Variants in CTNND1 observed in about 807,000 individuals in gnomAD.
CTNND1 encodes catenin delta 1, also known as catenin delta-1.
In CTNND1, 16 loss-of-function variants were observed where a neutral mutation model predicts 112.1. The ratio of observed to expected loss-of-function variants is 0.14; its 90% confidence interval spans 0.10 to 0.22. The LOEUF is 0.22. Ranked by LOEUF, CTNND1 falls within the 10% of genes least tolerant of loss-of-function variation. The probability of loss-of-function intolerance (pLI) is 1.00; values close to 1 mark genes in which losing one functional copy is unlikely to be tolerated. For missense variants in CTNND1, 1,008 were observed against 1,257.0 expected, an observed-to-expected ratio of 0.80 and a Z score of 3.00; for synonymous variants, 420 against 446.5, an observed-to-expected ratio of 0.94 and a Z score of 0.75.
chr11:57,787,180 G>A (rs1379954668), intron 1 of CTNND1, among the ~76,000 whole-genome samples: 2 of 152,082 alleles, frequency 1.3e-5, no homozygotes, highest in South Asian at 2.1e-4. Flanking sequence ...AATTGTTAAG[G>A]CCTCAAATAC....
intron 1 of CTNND1, among the ~76,000 whole-genome samples, chr11:57,778,364 T>C (rs1203529533): frequency 1.3e-5 from 2 of 152,304 alleles, no homozygotes; most frequent in Middle Eastern, 3.4e-3. Flanking sequence ...TGAATCCAGA[T>C]TGGTAATCAA....
chr11:57,788,900 C>G lies in CTNND1; in HGVS notation c.-213-137C>G. On this transcript the variant is annotated intron_variant, in intron 1 of 20. Transcript: ENST00000399050. The surrounding 1 kb of genome is among the most constrained non-coding windows in gnomAD (Gnocchi z 4.1). ...ACAACAAGGTCTAAAGGGCACTTGT[C>G]ACATTAAGCAATTCCAAGTCATATT... 1 of 696,008 alleles carries G rather than the reference C, an allele frequency of 1.4e-6. No homozygotes were observed. The highest frequency in any genetic ancestry group is 1.8e-5 in the African/African-American group (1 of 56,636). 43.1% of individuals were successfully genotyped at this position (696,008 alleles called of 1,614,324 possible).
At chr11:57,800,267 C>A (rs2061859187) in intron 6 of CTNND1, among the ~76,000 whole-genome samples, 1 of 150,222 alleles carries the variant, frequency 6.7e-6, no homozygotes, top group South Asian at 2.1e-4. Flanking sequence ...TTAATCTTGA[C>A]CTTTTTTTTT....
intron 1 of CTNND1, chr11:57,764,280 T>G (rs1950554475): frequency 6.6e-6 from 1 of 152,142 alleles, no homozygotes; most frequent in Non-Finnish European, 1.5e-5. Flanking sequence ...TTCTAGTACC[T>G]TTCTCAGGGT....
intron 1 of CTNND1, among the ~76,000 whole-genome samples, chr11:57,765,973 CCT>C (rs1332480710): frequency 6.6e-6 from 1 of 152,014 alleles, no homozygotes; most frequent in Non-Finnish European, 1.5e-5. Context: ...GGTGAAGACT[CCT>C]CTTTACAAAA....
At chr11:57,813,213 A>AG (rs1802960371) in intron 17 of CTNND1, among the ~76,000 whole-genome samples, 1 of 152,046 alleles carries the variant, frequency 6.6e-6, no homozygotes, top group African/African-American at 2.4e-5. Flanking sequence ...AGTCCCAATT[A>AG]CTTTGGGAGG....
chr11:57,805,546 T>C (rs2137263203), intron 9 of CTNND1, among the ~76,000 whole-genome samples: 1 of 19,588 alleles, frequency 5.1e-5, no homozygotes, highest in Middle Eastern at 0.071. Flanking sequence ...CCCGGCTTTT[T>C]TTTCTTTTTT....
chr11:57,804,304 C>G (rs756273206), intron 8 of CTNND1, among the ~76,000 whole-genome samples: 1 of 152,060 alleles, frequency 6.6e-6, no homozygotes, highest in Non-Finnish European at 1.5e-5. Context: ...TAAAGTTTTC[C>G]TGAATTCTTT....
intron 1 of CTNND1, among the ~76,000 whole-genome samples, chr11:57,766,401 A>G (rs1951090114): frequency 1.3e-5 from 2 of 152,326 alleles, no homozygotes; most frequent in Middle Eastern, 6.8e-3. Flanking sequence ...GATTTTGTTC[A>G]TGTATTGGGA....
Position 57,808,216 on chromosome 11 carries a change from T to C in CTNND1, c.2015T>C (p.Leu672Pro). The change falls in exon 13 of 21, where the codon CTT (leucine) becomes CCT (proline). Residue 672 changes from leucine (L) to proline (P), a missense_variant. Leu to Pro is a moderately conservative substitution (Grantham distance 98, BLOSUM62 -3). Transcript: ENST00000399050. ...GTGGTTCGGATATACATCTCACTTC[T>C]TAAGGAGAGCAAGACTCCTGCCATC... ...PEVVRIYISL[L>P]KESKTPAILE... 1 of 1,613,888 alleles carries C rather than the reference T, an allele frequency of 6.2e-7. No individual in the cohort carries two copies. Among genetic ancestry groups the C allele is most frequent in the Non-Finnish European group, 8.5e-7 (1 of 1,179,808 alleles).
intron 1 of CTNND1, among the ~76,000 whole-genome samples, chr11:57,774,856 G>T (rs1432450090): frequency 6.6e-6 from 1 of 151,994 alleles, no homozygotes; most frequent in African/African-American, 2.4e-5. Flanking sequence ...TGGGATTAAG[G>T]CATGCGCCAC....
intron 1 of CTNND1, among the ~76,000 whole-genome samples, chr11:57,770,742 TGAG>T (rs770446402): frequency 6.6e-6 from 1 of 152,216 alleles, no homozygotes; most frequent in Non-Finnish European, 1.5e-5. Context: ...TTCTCATGGT[TGAG>T]GACATAAGAC....
intron 1 of CTNND1, among the ~76,000 whole-genome samples, chr11:57,773,140 G>T (rs1196081936): frequency 6.6e-6 from 1 of 152,128 alleles, no homozygotes; most frequent in African/African-American, 2.4e-5. Context: ...ATCATATATA[G>T]ATGGTGTGAG....
chr11:57,794,133 C>G lies in CTNND1; in HGVS notation c.267+52C>G. On this transcript the variant is annotated intron_variant, in intron 4 of 20. Transcript: ENST00000399050. ...TGCTTCATTCATATTTTCTTATTTC[C>G]CCAGCCTATAAGAGCATATTTGTGT... 5.3e-6 allele frequency: 8 copies of G among 1,522,230 alleles called. No individual in the cohort carries two copies. In the Admixed American group the frequency reaches 8.4e-5, roughly 16 times the overall value. The allele number at this position is 1,522,230 out of a possible 1,614,324, so 94.3% of individuals were successfully genotyped here.
chr11:57,802,896 T>G (rs1391422089), intron 7 of CTNND1, among the ~76,000 whole-genome samples: 1 of 152,162 alleles, frequency 6.6e-6, no homozygotes, highest in Non-Finnish European at 1.5e-5. Flanking sequence ...ACATTTGCAG[T>G]GTTGGAGATA....
intron 16 of CTNND1, 100 bp from the exon 17 acceptor site, chr11:57,811,299 T>C: frequency 1.1e-6 from 1 of 925,704 alleles, no homozygotes; most frequent in African/African-American, 1.7e-5. Flanking sequence ...TTTTCATGAT[T>C]CTATTTGGGA....
At chr11:57,791,205 T>C (rs2060703038) in intron 2 of CTNND1, among the ~76,000 whole-genome samples, 180 bp from the exon 3 acceptor site, 1 of 152,222 alleles carries the variant, frequency 6.6e-6, no homozygotes, top group Non-Finnish European at 1.5e-5. Context: ...TGAAGAAAGC[T>C]AGTGGGCAAA....
At chr11:57,804,526 G>A in intron 8 of CTNND1, 137 bp from the exon 9 acceptor site, 1 of 638,754 alleles carries the variant, frequency 1.6e-6, no homozygotes, top group Non-Finnish European at 2.8e-6. Flanking sequence ...TCTCTCAACT[G>A]CAGTACCTTG....
chr11:57,799,979 GTTTTTT>G (rs1157141511), intron 6 of CTNND1, among the ~76,000 whole-genome samples: 4 of 58,834 alleles, frequency 6.8e-5, no homozygotes, highest in Admixed American at 4.8e-4. Flanking sequence ...TTGTTTCCGT[GTTTTTT>G]TTTTTTTTTT....
Sources: gnomAD v4.1 joint callset for allele counts (sites outside exome capture counted in the v4.1 genomes callset) on GRCh38, gnomAD v4.1.1 for gene constraint, Gnocchi (gnomAD v3.1) non-coding constraint, MANE v1.5 for transcripts, NCBI Gene and HGNC (gene_info 2026-07-23, HGNC 2026-07-21) for gene names.